Variants in WASHC5 observed in about 807,000 individuals in gnomAD.
WASHC5 encodes the protein WASH complex subunit strumpellin.
A neutral mutation model predicts 150.4 loss-of-function variants in WASHC5; 101 were observed. The observed-to-expected ratio is 0.67, with a 90% CI of 0.57 to 0.79. WASHC5 has a LOEUF of 0.79. Among genes scored for constraint, WASHC5 ranks in the 30% least tolerant of loss-of-function variants. WASHC5 has a pLI of 0.00. For synonymous variants in WASHC5, 467 were observed against 491.2 expected (o/e 0.95, Z 0.65); for missense variants, 1,195 against 1,396.3 (o/e 0.86, Z 2.30).
At chr8:125,028,511 G>C in intron 28 of WASHC5, 109 bp downstream of exon 28, 1 of 739,762 alleles carries the variant, frequency 1.4e-6, no homozygotes, top group Non-Finnish European at 2.4e-6. Context: ...AGGCGCAGAG[G>C]CATCTACTGT....
At chr8:125,047,433 C>T in intron 19 of WASHC5, 102 bp from the exon 20 acceptor site, 1 of 1,181,708 alleles carries the variant, frequency 8.5e-7, no homozygotes, top group South Asian at 1.3e-5. Context: ...TAAAGAGTGA[C>T]AATAAAGGTT....
chr8:125,061,111 T>C lies in WASHC5; in HGVS notation c.1492A>G (p.Thr498Ala). 1 of 1,610,684 alleles carries C rather than the reference T, an allele frequency of 6.2e-7. No individual in the cohort carries two copies. Among genetic ancestry groups the C allele is most frequent in the Non-Finnish European group, 8.5e-7 (1 of 1,177,042 alleles). ...TCCAAAGCTTGTATCAGTTGTACAG[T>C]TTTTCTGCCCGCAGCAGTAGAATCA... The part of the protein sequence containing the change: ...YDDSTAAGRK[T>A]VQLIQALEEV... The change falls in exon 12 of 29, where the codon ACT becomes GCT. Residue 498 changes from threonine to alanine, a missense_variant. Around this residue, in one of 3 missense-constraint regions of WASHC5, gnomAD observed 997 missense variants for 1,168.1 expected, o/e 0.85. Coordinates refer to ENST00000318410, the MANE Select transcript of WASHC5 (RefSeq NM_014846.4).
intron 18 of WASHC5, 64 bp from the exon 19 acceptor site, chr8:125,049,249 AT>A: frequency 6.5e-7 from 1 of 1,547,272 alleles, no homozygotes; most frequent in Non-Finnish European, 8.9e-7. Flanking sequence ...TCGTTCTAAT[AT>A]CTAACTAGAC....
At chr8:125,079,858 T>A (rs1405492574) in intron 5 of WASHC5, among the ~76,000 whole-genome samples, 1 of 152,234 alleles carries the variant, frequency 6.6e-6, no homozygotes, top group Non-Finnish European at 1.5e-5. Context: ...ATGTGTGTTG[T>A]GTGTATACTC....
rs1817429180 is a variant in WASHC5, at chr8:125,086,647, GCCTT to G, written c.-124-2629_-124-2626del. The stretch of plus-strand genomic sequence containing the variant: ...CCCAACTCAGCTCATAACAGCTTGT[GCCTT>G]CCTTCCTTCAACCCAAAGAATACTG... On this transcript the variant is annotated intron_variant, in intron 1 of 28. Transcript: ENST00000318410. Among the ~76,000 whole-genome samples, 4 of 152,300 alleles carry G rather than the reference GCCTT, an allele frequency of 2.6e-5. No individual in the cohort carries two copies. In the South Asian group the frequency reaches 8.3e-4, roughly 32 times the overall value.
chr8:125,024,423 C>T lies in WASHC5; in HGVS notation c.*194G>A, dbSNP rs1586325157. On this transcript the variant is annotated 3_prime_UTR_variant, in exon 29 of 29. Coordinates refer to ENST00000318410, the MANE Select transcript of WASHC5 (RefSeq NM_014846.4). ...TATCTGATATAAATTGCATGTAATA[C>T]CATGATTTAAACAATATCAGTTATA... 4.8e-6 allele frequency: 3 copies of T among 626,640 alleles called. No homozygotes were observed. The highest frequency in any genetic ancestry group is 5.6e-5 in the East Asian group (2 of 35,670). 38.8% of individuals were successfully genotyped at this position (626,640 alleles called of 1,614,324 possible). A position where few individuals can be genotyped will look rare whatever the true frequency, so the allele number is the denominator to read the frequency against.
At chr8:125,030,517 A>G (rs1815497928) in intron 27 of WASHC5, among the ~76,000 whole-genome samples, 1 of 151,980 alleles carries the variant, frequency 6.6e-6, no homozygotes. Context: ...ATTGGGGTTT[A>G]GAAAGAATGC....
chr8:125,074,506 CA>C (rs1816993487), intron 8 of WASHC5, among the ~76,000 whole-genome samples: 1 of 152,076 alleles, frequency 6.6e-6, no homozygotes, highest in Non-Finnish European at 1.5e-5. Context: ...TGTGTAAGAA[CA>C]AAAGAGATAG....
At chr8:125,084,975 G>A (rs1817377392) in intron 1 of WASHC5, among the ~76,000 whole-genome samples, 1 of 152,206 alleles carries the variant, frequency 6.6e-6, no homozygotes. Context: ...TGGTCTTATA[G>A]AAAACTGCAG....
At chr8:125,039,736 G>T in intron 24 of WASHC5, 59 bp downstream of exon 24, 1 of 1,108,056 alleles carries the variant, frequency 9.0e-7, no homozygotes, top group Non-Finnish European at 1.4e-6. Flanking sequence ...AGAAACTGGG[G>T]TGCGTAGATA....
chr8:125,082,756 T>C (rs1268205742), intron 3 of WASHC5: 1 of 398,360 alleles, frequency 2.5e-6, no homozygotes. Flanking sequence ...TAAAAGTTAA[T>C]GAGTAATGAA....
At chr8:125,081,389 C>G (rs1474510824) in intron 5 of WASHC5, among the ~76,000 whole-genome samples, 2 of 152,010 alleles carry the variant, frequency 1.3e-5, no homozygotes, top group Non-Finnish European at 2.9e-5. Context: ...AGGCGCCCAC[C>G]ACCGTGCCTG....
chr8:125,066,047 C>A (rs907524379), intron 10 of WASHC5, among the ~76,000 whole-genome samples: 1 of 152,174 alleles, frequency 6.6e-6, no homozygotes, highest in African/African-American at 2.4e-5. Flanking sequence ...CCTCACTATA[C>A]TGACAGGGCA....
chr8:125,089,549 A>G (rs563267224), intron 1 of WASHC5, among the ~76,000 whole-genome samples: 1 of 152,354 alleles, frequency 6.6e-6, no homozygotes, highest in South Asian at 2.1e-4. Flanking sequence ...ACAAGCTATG[A>G]TTAACAGGTC....
intron 1 of WASHC5, among the ~76,000 whole-genome samples, chr8:125,087,026 C>G (rs1212763841): frequency 6.6e-6 from 1 of 152,172 alleles, no homozygotes; most frequent in African/African-American, 2.4e-5. Flanking sequence ...TGCCTTTTCC[C>G]AATTCCTAAT....
chr8:125,086,127 G>A (rs1817414170), intron 1 of WASHC5, among the ~76,000 whole-genome samples: 1 of 152,006 alleles, frequency 6.6e-6, no homozygotes, highest in South Asian at 2.1e-4. Flanking sequence ...TAGTTTGCTG[G>A]GCTGCCGTAA....
At chr8:125,026,661 TTCTC>T (rs934175239) in intron 28 of WASHC5, among the ~76,000 whole-genome samples, 3 of 152,152 alleles carry the variant, frequency 2.0e-5, no homozygotes, top group Non-Finnish European at 4.4e-5. Flanking sequence ...AATATTCCCT[TTCTC>T]TCTTAATTTG....
intron 25 of WASHC5, 94 bp downstream of exon 25, chr8:125,038,736 A>C: frequency 1.5e-5 from 22 of 1,474,976 alleles, no homozygotes; most frequent in Non-Finnish European, 2.1e-5. Context: ...GTCTGAACCC[A>C]GGTTCCTCTG....
chr8:125,070,176 A>G (rs868225672), intron 9 of WASHC5, among the ~76,000 whole-genome samples: 2 of 152,202 alleles, frequency 1.3e-5, no homozygotes, highest in South Asian at 2.1e-4. Context: ...CTGTACAAGC[A>G]TCCTAAGACT....
Sources: allele counts gnomAD v4.1 joint callset (sites outside exome capture counted in the v4.1 genomes callset), GRCh38; gene constraint gnomAD v4.1.1; regional missense constraint gnomAD v4.1.1; transcripts MANE v1.5; gene names NCBI Gene and HGNC (gene_info 2026-07-23, HGNC 2026-07-21).